IDE: variants seen among roughly 807,000 people sequenced by gnomAD.
IDE encodes the protein insulin-degrading enzyme.
A neutral mutation model predicts 133.2 loss-of-function variants in IDE; 58 were observed. The ratio of observed to expected loss-of-function variants is 0.44; its 90% confidence interval spans 0.35 to 0.54. IDE has a LOEUF of 0.54. IDE is among the 20% of genes least tolerant of loss of function. IDE has a pLI of 0.00. For synonymous variants in IDE, 396 were observed against 421.3 expected (o/e 0.94, Z 0.73); for missense variants, 981 against 1,234.0 (o/e 0.79, Z 3.07).
At chr10:92,518,770 A>G (rs975096041) in intron 4 of IDE, among the ~76,000 whole-genome samples, 1 of 152,238 alleles carries the variant, frequency 6.6e-6, no homozygotes, top group East Asian at 1.9e-4. Context: ...CAAAATGTTG[A>G]ATGAAAAAAT....
chr10:92,534,824 A>G, intron 2 of IDE, 39 bp from the exon 3 acceptor site: 2 of 1,487,242 alleles, frequency 1.3e-6, no homozygotes, highest in Non-Finnish European at 9.3e-7. Flanking sequence ...TCATTGTCCT[A>G]TGCTGAAAGT....
chr10:92,468,188 C>T (rs1279922540), intron 19 of IDE, among the ~76,000 whole-genome samples: 1 of 152,088 alleles, frequency 6.6e-6, no homozygotes, highest in African/African-American at 2.4e-5. Flanking sequence ...AGGAGAACAC[C>T]ATTTTGGGAG....
chr10:92,456,226 C>T (rs1458000701), intron 23 of IDE, 133 bp downstream of exon 23: 1 of 693,338 alleles, frequency 1.4e-6, no homozygotes, highest in Non-Finnish European at 2.6e-6. Flanking sequence ...CCCCTTATAT[C>T]TGCAGACCTT....
At chr10:92,562,182 TAAC>T (rs1843314555) in intron 1 of IDE, among the ~76,000 whole-genome samples, 1 of 152,224 alleles carries the variant, frequency 6.6e-6, no homozygotes, top group African/African-American at 2.4e-5. Flanking sequence ...ATTTAAAAAA[TAAC>T]AACTGCAAAA....
chr10:92,468,782 C>A, intron 19 of IDE, 97 bp downstream of exon 19: 1 of 617,712 alleles, frequency 1.6e-6, no homozygotes, highest in Non-Finnish European at 2.9e-6. Context: ...CCAAGTAAAT[C>A]TTTGGCGTAA....
intron 16 of IDE, among the ~76,000 whole-genome samples, chr10:92,475,461 T>C (rs1234961863): frequency 6.6e-6 from 1 of 152,220 alleles, no homozygotes; most frequent in Non-Finnish European, 1.5e-5. Flanking sequence ...CAAACATGAA[T>C]TGAATGTAAG....
Position 92,461,048 on chromosome 10 carries a change from C to G in IDE, c.2823+143G>C, listed in dbSNP as rs947110047. ...TATAAATGGGGTTTCACCATGTTGGCCAGGCTGGTCTTTAACTCCTGACCT... is the reference window on the plus strand; with the variant it reads ...TATAAATGGGGTTTCACCATGTTGGGCAGGCTGGTCTTTAACTCCTGACCT... On this transcript the variant is annotated intron_variant, in intron 22 of 24. Transcript: ENST00000265986. The G allele has an allele frequency of 1.6e-5, 8 of 513,686 alleles. No individual in the cohort carries two copies. The Admixed American group carries it at 2.7e-4, about 17-fold the overall frequency. 31.8% of individuals were successfully genotyped at this position (513,686 alleles called of 1,614,324 possible).
intron 4 of IDE, among the ~76,000 whole-genome samples, chr10:92,518,002 C>T (rs1051707127): frequency 2.0e-5 from 3 of 152,014 alleles, no homozygotes; most frequent in African/African-American, 7.2e-5. Flanking sequence ...GAGACATTCT[C>T]TATTCTCTCA....
At chr10:92,476,991 C>T (rs1173988258) in intron 15 of IDE, among the ~76,000 whole-genome samples, 1 of 152,196 alleles carries the variant, frequency 6.6e-6, no homozygotes, top group Non-Finnish European at 1.5e-5. Context: ...CTGCCTCGGC[C>T]TCCCAAAGTG....
At chr10:92,465,868 G>A (rs2135350007) in intron 19 of IDE, 25 bp from the exon 20 acceptor site, 4 of 1,611,472 alleles carry the variant, frequency 2.5e-6, no homozygotes, top group East Asian at 4.5e-5. Context: ...AAAGACAGCA[G>A]CAAGTTCAAA....
At chr10:92,538,939 T>C (rs1842158784) in intron 1 of IDE, among the ~76,000 whole-genome samples, 1 of 152,186 alleles carries the variant, frequency 6.6e-6, no homozygotes, top group African/African-American at 2.4e-5. Context: ...CAGATCTGAC[T>C]GTTCCTTAAA....
chr10:92,525,901 A>G (rs1199114318), intron 4 of IDE, among the ~76,000 whole-genome samples: 1 of 152,138 alleles, frequency 6.6e-6, no homozygotes, highest in Non-Finnish European at 1.5e-5. Flanking sequence ...TCACACCTCT[A>G]ATCCCAGAAC....
At chr10:92,571,098 G>T (rs949008595) in intron 1 of IDE, among the ~76,000 whole-genome samples, 26 of 151,414 alleles carry the variant, frequency 1.7e-4, no homozygotes, top group Non-Finnish European at 2.7e-4. Flanking sequence ...TCCTGCCTCA[G>T]CCTCCCGGGT....
chr10:92,474,703 T>G, intron 17 of IDE, 138 bp downstream of exon 17: 1 of 720,244 alleles, frequency 1.4e-6, no homozygotes, highest in Non-Finnish European at 2.2e-6. Flanking sequence ...CCACCACTGT[T>G]TTTATAAAAC....
At chr10:92,489,120 C>T (rs539453285) in intron 12 of IDE, among the ~76,000 whole-genome samples, 4 of 152,176 alleles carry the variant, frequency 2.6e-5, no homozygotes, top group Non-Finnish European at 4.4e-5. Context: ...TTAGTTCCTG[C>T]ATTTGTGACT....
intron 1 of IDE, among the ~76,000 whole-genome samples, chr10:92,561,610 A>T (rs1050514461): frequency 7.2e-5 from 11 of 151,760 alleles, no homozygotes; most frequent in African/African-American, 2.7e-4. Flanking sequence ...AAAAAAAAAA[A>T]AATTAGCTGG....
chr10:92,526,847 A>G (rs1255693593), intron 4 of IDE, among the ~76,000 whole-genome samples: 1 of 137,762 alleles, frequency 7.3e-6, no homozygotes, highest in South Asian at 2.3e-4. Context: ...CCCTGTCTCA[A>G]AAAAAAAAAA....
intron 1 of IDE, among the ~76,000 whole-genome samples, chr10:92,550,628 G>C (rs563284955): frequency 3.0e-4 from 40 of 134,214 alleles, no homozygotes; most frequent in Non-Finnish European, 5.6e-4. Flanking sequence ...TCCAGCCTGG[G>C]CAACAGAGCT....
intron 11 of IDE, among the ~76,000 whole-genome samples, chr10:92,492,065 C>A (rs1166382504): frequency 6.6e-6 from 1 of 151,948 alleles, no homozygotes; most frequent in Non-Finnish European, 1.5e-5. Context: ...TCGAGATCAT[C>A]CTGGCTAACA....
Sources: allele counts gnomAD v4.1 joint callset (sites outside exome capture counted in the v4.1 genomes callset), GRCh38; gene constraint gnomAD v4.1.1; transcripts MANE v1.5; gene names NCBI Gene and HGNC (gene_info 2026-07-23, HGNC 2026-07-21).